The following RASEF variants were observed in gnomAD, a reference collection of about 807,000 sequenced individuals.
RASEF encodes RAS and EF-hand domain containing.
RASEF carries 68 observed loss-of-function variants against 90.1 expected under a neutral mutation model. That is an observed-to-expected ratio of 0.75 (90% CI 0.62 to 0.92). RASEF has a LOEUF of 0.92. Ranked by LOEUF, RASEF falls within the 40% of genes least tolerant of loss-of-function variation. The pLI is 0.00. For synonymous variants in RASEF, 331 were observed against 345.2 expected (o/e 0.96, Z 0.46); for missense variants, 949 against 937.2 (o/e 1.01, Z -0.16).
At chr9:83,078,795 T>A in the RASEF span, among the ~76,000 whole-genome samples, 1 of 152,246 alleles carries the variant, frequency 6.6e-6, no homozygotes, top group Non-Finnish European at 1.5e-5. Flanking sequence ...ATTTCTCTAA[T>A]GATCATTGAT....
At chr9:83,175,573 T>G in the RASEF span, among the ~76,000 whole-genome samples, 1 of 152,184 alleles carries the variant, frequency 6.6e-6, no homozygotes, top group East Asian at 1.9e-4. Flanking sequence ...ACATCCTTAG[T>G]ATTATTTCAA....
chr9:82,999,778 A>T (rs913765292), intron 12 of RASEF, among the ~76,000 whole-genome samples: 1 of 151,772 alleles, frequency 6.6e-6, no homozygotes, highest in Non-Finnish European at 1.5e-5. Context: ...TAATTTTTGT[A>T]TTTTTGGTAG....
intron 2 of RASEF, among the ~76,000 whole-genome samples, chr9:83,023,356 A>G (rs1829477961): frequency 6.6e-6 from 1 of 152,220 alleles, no homozygotes; most frequent in Non-Finnish European, 1.5e-5. Flanking sequence ...CATGAGCTTT[A>G]GAGGTGATTC....
chr9:82,999,367 C>T (rs1040751562), intron 12 of RASEF, among the ~76,000 whole-genome samples: 1 of 152,086 alleles, frequency 6.6e-6, no homozygotes, highest in Non-Finnish European at 1.5e-5. Context: ...AAAGGGTTTT[C>T]CTGGCCACCC....
the RASEF span, among the ~76,000 whole-genome samples, chr9:83,079,356 A>C: frequency 6.6e-6 from 1 of 152,118 alleles, no homozygotes; most frequent in Non-Finnish European, 1.5e-5. Context: ...AAGATCATAG[A>C]TGTGGGGCCT....
the RASEF span, among the ~76,000 whole-genome samples, chr9:83,122,622 A>G: frequency 6.6e-6 from 1 of 152,250 alleles, no homozygotes; most frequent in African/African-American, 2.4e-5. Flanking sequence ...ACAGCCAGCC[A>G]TTATGTAGCC....
At chr9:83,093,411 A>G in the RASEF span, among the ~76,000 whole-genome samples, 1 of 152,172 alleles carries the variant, frequency 6.6e-6, no homozygotes, top group Non-Finnish European at 1.5e-5. Context: ...AGGCTCAGGC[A>G]TGGCGGGCTG....
chr9:83,159,143 G>A, the RASEF span, among the ~76,000 whole-genome samples: 7 of 146,690 alleles, frequency 4.8e-5, no homozygotes, highest in African/African-American at 1.3e-4. Context: ...CCAAGATCAC[G>A]CCACTGCACT....
At chr9:83,204,854 C>T in the RASEF span, among the ~76,000 whole-genome samples, 1 of 152,166 alleles carries the variant, frequency 6.6e-6, no homozygotes, top group African/African-American at 2.4e-5. Flanking sequence ...TACCAAATAG[C>T]CATATTGTTA....
upstream of RASEF, among the ~76,000 whole-genome samples, chr9:83,067,841 C>G (rs1830294664): frequency 6.6e-6 from 1 of 152,148 alleles, no homozygotes; most frequent in South Asian, 2.1e-4. Context: ...TCTTGCTCCT[C>G]TCAGTTAAGA....
chr9:83,106,759 C>T, the RASEF span, among the ~76,000 whole-genome samples: 2 of 118,592 alleles, frequency 1.7e-5, no homozygotes, highest in African/African-American at 7.3e-5. Flanking sequence ...ATTAAATATT[C>T]CCATTGTGAC....
chr9:83,105,299 GAGC>G, the RASEF span, among the ~76,000 whole-genome samples: 1 of 152,182 alleles, frequency 6.6e-6, no homozygotes, highest in South Asian at 2.1e-4. Context: ...ATCCTATACT[GAGC>G]AGCACTATGT....
the RASEF span, among the ~76,000 whole-genome samples, chr9:83,186,439 C>T: frequency 6.6e-6 from 1 of 152,108 alleles, no homozygotes; most frequent in Non-Finnish European, 1.5e-5. Context: ...CCCTGTTCTG[C>T]GTTATCTAAA....
intron 1 of RASEF, chr9:83,055,254 G>A (rs1209447196): frequency 1.9e-5 from 6 of 308,442 alleles, no homozygotes; most frequent in South Asian, 5.6e-5. Context: ...GTGGTGCGCC[G>A]TTTCTTAAGC....
At chr9:83,217,768 G>A in the RASEF span, among the ~76,000 whole-genome samples, 10 of 152,096 alleles carry the variant, frequency 6.6e-5, no homozygotes, top group Non-Finnish European at 1.3e-4. Flanking sequence ...TAATACATTC[G>A]GTTTCCTCAT....
chr9:83,076,087 G>C, the RASEF span, among the ~76,000 whole-genome samples: 2 of 151,186 alleles, frequency 1.3e-5, no homozygotes, highest in Non-Finnish European at 2.9e-5. Flanking sequence ...AGAACTGCTT[G>C]AACCAGGGAG....
chr9:83,195,730 G>GT, the RASEF span, among the ~76,000 whole-genome samples: 1 of 151,942 alleles, frequency 6.6e-6, no homozygotes, highest in Non-Finnish European at 1.5e-5. Flanking sequence ...TGGCTCGGGA[G>GT]AGTGCCTGGG....
chr9:83,190,116 C>T, the RASEF span, among the ~76,000 whole-genome samples: 2 of 152,122 alleles, frequency 1.3e-5, no homozygotes, highest in Non-Finnish European at 2.9e-5. Context: ...GTGGCCTATA[C>T]TTTCTTGAAT....
chr9:83,178,344 A>G, the RASEF span, among the ~76,000 whole-genome samples: 1 of 152,276 alleles, frequency 6.6e-6, no homozygotes, highest in East Asian at 1.9e-4. Flanking sequence ...TATGGCTCAC[A>G]TTCATTAATA....
Sources: allele counts gnomAD v4.1 joint callset (sites outside exome capture counted in the v4.1 genomes callset), GRCh38; gene constraint gnomAD v4.1.1; transcripts MANE v1.5; gene names NCBI Gene and HGNC (gene_info 2026-07-23, HGNC 2026-07-21).